The following ADAMTS9 variants were observed in gnomAD, a reference collection of about 807,000 sequenced individuals.
The protein encoded by ADAMTS9 is ADAM metallopeptidase with thrombospondin type 1 motif 9, also known as A disintegrin and metalloproteinase with thrombospondin motifs 9.
A neutral mutation model predicts 257.1 loss-of-function variants in ADAMTS9; 107 were observed. The ratio of observed to expected loss-of-function variants is 0.42; its 90% confidence interval spans 0.36 to 0.49. ADAMTS9 has a LOEUF of 0.49. ADAMTS9 is among the 20% of genes least tolerant of loss of function. The pLI, the probability that ADAMTS9 is intolerant of heterozygous loss-of-function variation, is 0.03. For missense variants in ADAMTS9, 2,353 were observed against 2,469.1 expected (o/e 0.95, Z 1.00); for synonymous variants, 982 against 880.9 (o/e 1.11, Z -2.03).
chr3:64,517,416 G>GTTTTTTGTTTTTTTTT (rs2082789402), intron 39 of ADAMTS9, among the ~76,000 whole-genome samples: 1 of 52,638 alleles, frequency 1.9e-5, no homozygotes, highest in Admixed American at 3.8e-4. Flanking sequence ...ATTAAAAATG[G>GTTTTTTGTTTTTTTTT]TTTTTTTTTT....
In ADAMTS9 at chr3:64,655,672, A is replaced by G. The variant is rs375522727; in HGVS notation, c.1073T>C (p.Phe358Ser). The change falls in exon 6 of 40, where the codon TTT becomes TCT. Residue 358 changes from phenylalanine to serine, a missense_variant. By Grantham distance (155) the Phe-to-Ser change is radical (BLOSUM62 -2). This residue lies in a region of ADAMTS9 where 591 missense variants were observed against 569.6 expected (regional missense o/e 1.04). Transcript: ENST00000498707. ...GTTTTTTAATGTTGTCTGAGCATTA[A>G]AAGATATGGAAGGCCCATCCTAAAT... ...HNEQDGPSIS[F>S]NAQTTLKNFC... 123 of 1,614,030 alleles carry G rather than the reference A, an allele frequency of 7.6e-5. No individual in the cohort carries two copies. Among genetic ancestry groups the G allele is most frequent in the Non-Finnish European group, 9.2e-5 (109 of 1,179,976 alleles).
intron 3 of ADAMTS9, among the ~76,000 whole-genome samples, chr3:64,673,924 C>T (rs1449115716): frequency 6.6e-6 from 1 of 151,734 alleles, no homozygotes; most frequent in African/African-American, 2.4e-5. Flanking sequence ...TTTATGTATG[C>T]TTGAAGATGT....
In ADAMTS9 at chr3:64,681,254, C is replaced by T. The variant is rs146464879; in HGVS notation, c.626G>A (p.Arg209His). 2.2e-4 allele frequency: 355 copies of T among 1,613,858 alleles called. 2 individuals are homozygous for T. Among genetic ancestry groups the T allele is most frequent in the Admixed American group, 2.0e-3 (120 of 59,996 alleles). ...TGAGGGCTCTCTCTGGGGGGCGCTG[C>T]GCCTATAAATGATGTGGGGTTTGTT... is the stretch of plus-strand genomic sequence containing the variant. ...EQNKPHIIYR[R>H]SAPQREPSTG... Residue 209 changes from arginine (R) to histidine (H), a missense_variant, in exon 3 of 40, where the codon CGC becomes CAC. By Grantham distance (29) the Arg-to-His change is conservative (BLOSUM62 0). This residue lies in a region of ADAMTS9 where 591 missense variants were observed against 569.6 expected (regional missense o/e 1.04). Transcript: ENST00000498707.
Position 64,543,769 on chromosome 3 carries a change from G to A in ADAMTS9, c.5065-1799C>T, listed in dbSNP as rs1325793570. On this transcript the variant is annotated intron_variant, in intron 32 of 39. Transcript: ENST00000498707. ...CATAGTGTTGGAAGTTCTGGCCAGG[G>A]CAATCAGGCAGGAGAAAGAAATAAA... Among the ~76,000 whole-genome samples the A allele has an allele frequency of 2.6e-5, 4 of 152,170 alleles. No homozygotes were observed. In the East Asian group the frequency reaches 5.8e-4, roughly 22 times the overall value.
intron 12 of ADAMTS9, among the ~76,000 whole-genome samples, chr3:64,634,315 T>C (rs982981445): frequency 6.6e-6 from 1 of 152,222 alleles, no homozygotes; most frequent in East Asian, 1.9e-4. Context: ...ATCTTCCTTT[T>C]GTACCTTGAC....
At position 64,631,784 on chromosome 3, in the gene ADAMTS9, T is replaced by C. The variant is rs148711533; in HGVS notation, c.2293+24A>G. 1.5e-4 allele frequency: 236 copies of C among 1,573,356 alleles called. No homozygotes were observed. The African/African-American group carries it at 3.1e-3, about 20-fold the overall frequency. On this transcript the variant is annotated intron_variant, in intron 15 of 39. Transcript: ENST00000498707. Reference sequence around the variant, plus strand: ...CAAACTTTGACCATATTCCTTCTCATGGTTCTTAGGAGCAGATTCTTACCA... The same window carrying C: ...CAAACTTTGACCATATTCCTTCTCACGGTTCTTAGGAGCAGATTCTTACCA...
rs114904601 is a variant in ADAMTS9 at position 64,665,733 on chromosome 3, T to C, written c.680-6942A>G. Among the ~76,000 whole-genome samples the C allele has an allele frequency of 3.5e-3, 530 of 152,214 alleles. 2 individuals are homozygous for C. The highest frequency in any genetic ancestry group is 0.012 in the African/African-American group (512 of 41,524). ...TCTGACATCCAACTTTTTAATACTGTGAAAAAAGGAGGAACTACAAAACCA... is the reference window on the plus strand; with the variant it reads ...TCTGACATCCAACTTTTTAATACTGCGAAAAAAGGAGGAACTACAAAACCA... On this transcript the variant is annotated intron_variant, in intron 3 of 39. Transcript: ENST00000498707.
intron 30 of ADAMTS9, among the ~76,000 whole-genome samples, chr3:64,554,700 A>G (rs2083309164): frequency 6.6e-6 from 1 of 152,196 alleles, no homozygotes; most frequent in African/African-American, 2.4e-5. Flanking sequence ...CACACACTAT[A>G]ATTCAGAAAG....
rs1356784317 is a variant in ADAMTS9, at chr3:64,551,004, T to C, written c.4757A>G (p.Asn1586Ser). ...RYRKVVCVDDNKNEVHGARCD... is the reference protein window; with the variant it reads ...RYRKVVCVDDSKNEVHGARCD... ...GCGTGCCCCATGCACCTCGTTTTTG[T>C]TGTCATCCACACACACCACCTTGCG... The change falls in exon 31 of 40, where the codon AAC (asparagine) becomes AGC (serine). Residue 1586 changes from asparagine to serine, a missense_variant. Around this residue, in one of 3 missense-constraint regions of ADAMTS9, gnomAD observed 1,402 missense variants for 1,441.4 expected, o/e 0.97. Coordinates refer to ENST00000498707, the MANE Select transcript of ADAMTS9 (RefSeq NM_182920.2). 1 of 1,614,212 alleles carries C rather than the reference T, an allele frequency of 6.2e-7. No individual in the cohort carries two copies. The highest frequency in any genetic ancestry group is 8.5e-7 in the Non-Finnish European group (1 of 1,180,032).
At chr3:64,651,345 T>C (rs1280451974) in intron 8 of ADAMTS9, among the ~76,000 whole-genome samples, 182 bp from the exon 9 acceptor site, 1 of 152,010 alleles carries the variant, frequency 6.6e-6, no homozygotes, top group Non-Finnish European at 1.5e-5. Context: ...GATTAAAACA[T>C]AATTCTCACC....
At chr3:64,670,785 C>A (rs1000052612) in intron 3 of ADAMTS9, among the ~76,000 whole-genome samples, 1 of 152,308 alleles carries the variant, frequency 6.6e-6, no homozygotes, top group African/African-American at 2.4e-5. Context: ...TATCATTAGA[C>A]TTTAGGTAAA....
chr3:64,540,580 G>A (rs570374254), intron 36 of ADAMTS9, among the ~76,000 whole-genome samples: 3 of 152,308 alleles, frequency 2.0e-5, no homozygotes, highest in Admixed American at 6.5e-5. Flanking sequence ...GCTGGGGGTG[G>A]TGAATGTTGC....
At chr3:64,566,811 G>A (rs968560836) in intron 29 of ADAMTS9, among the ~76,000 whole-genome samples, 1 of 151,880 alleles carries the variant, frequency 6.6e-6, no homozygotes, top group Non-Finnish European at 1.5e-5. Flanking sequence ...TAATTAGCGT[G>A]GTATCTTAAA....
intron 28 of ADAMTS9, among the ~76,000 whole-genome samples, chr3:64,579,449 AT>A (rs1437505549): frequency 1.3e-5 from 2 of 151,934 alleles, no homozygotes; most frequent in Non-Finnish European, 2.9e-5. Context: ...TCCCTAATTT[AT>A]TTTTATCTAT....
chr3:64,524,538 A>C (rs2082886906), intron 38 of ADAMTS9, among the ~76,000 whole-genome samples: 1 of 152,238 alleles, frequency 6.6e-6, no homozygotes, highest in African/African-American at 2.4e-5. Flanking sequence ...ATTAAGCGAA[A>C]TATTTTCCTC....
intron 32 of ADAMTS9, among the ~76,000 whole-genome samples, chr3:64,542,339 T>G (rs2083135475): frequency 6.6e-6 from 1 of 152,144 alleles, no homozygotes; most frequent in Non-Finnish European, 1.5e-5. Context: ...TTAAGGAATT[T>G]GTTCAAGGTC....
At chr3:64,669,986 A>AATC (rs1701447052) in intron 3 of ADAMTS9, among the ~76,000 whole-genome samples, 1 of 152,214 alleles carries the variant, frequency 6.6e-6, no homozygotes, top group African/African-American at 2.4e-5. Context: ...ATACCGCTGG[A>AATC]AAAGCATTTA....
chr3:64,603,926 C>T lies in ADAMTS9; in HGVS notation c.3743G>A (p.Ser1248Asn). 6.2e-7 allele frequency: 1 copy of T among 1,613,900 alleles called. No homozygotes were observed. Among genetic ancestry groups the T allele is most frequent in the Non-Finnish European group, 8.5e-7 (1 of 1,179,880 alleles). Residue 1248 changes from serine to asparagine, a missense_variant, in exon 25 of 40, where the codon AGC becomes AAC. Physicochemically the swap from Ser to Asn is conservative, Grantham distance 46. This residue lies in a region of ADAMTS9 where 1,402 missense variants were observed against 1,441.4 expected (regional missense o/e 0.97). Coordinates refer to ENST00000498707, the MANE Select transcript of ADAMTS9 (RefSeq NM_182920.2). The part of the protein sequence containing the change: ...PCGQWKALDW[S>N]SCSVTCGQGR... ...CCAAATAATCCACTGGCTTACAGAG[C>T]TCCAGTCCAAGGCCTTCCATTGCCC...
intron 26 of ADAMTS9, among the ~76,000 whole-genome samples, chr3:64,598,695 G>A (rs2106800356): frequency 6.6e-6 from 1 of 152,220 alleles, no homozygotes; most frequent in South Asian, 2.1e-4. Context: ...AATTAGCTTT[G>A]TTTGGGGACC....
Sources: gnomAD v4.1 joint callset for allele counts (sites outside exome capture counted in the v4.1 genomes callset) on GRCh38, gnomAD v4.1.1 for gene constraint, gnomAD v4.1.1 regional missense constraint, MANE v1.5 for transcripts, NCBI Gene and HGNC (gene_info 2026-07-23, HGNC 2026-07-21) for gene names.